Variants in ADCY3 observed in about 807,000 individuals in gnomAD.
ADCY3 encodes adenylate cyclase type 3.
Under a neutral mutation model 119.4 loss-of-function variants are expected in ADCY3, and 70 were observed. The ratio of observed to expected loss-of-function variants is 0.59; its 90% CI spans 0.48 to 0.72. The LOEUF (loss-of-function observed/expected upper bound fraction) is 0.72. Among genes scored for constraint, ADCY3 ranks in the 30% least tolerant of loss-of-function variants. ADCY3 has a pLI of 0.00. For missense variants in ADCY3, 1,238 were observed against 1,541.6 expected (o/e 0.80, Z 3.30); for synonymous variants, 672 against 621.4 (o/e 1.08, Z -1.21).
chr2:24,822,063 A>G lies in ADCY3; in HGVS notation c.3004-423T>C, dbSNP rs1667814598. On this transcript the variant is annotated intron_variant, in intron 19 of 21. Coordinates refer to ENST00000679454, the MANE Select transcript of ADCY3 (RefSeq NM_004036.5). ...CGTGGGATGGTTGTAGAGGTAAAGCAGGATGATGGTGTTTTAAGACCAGAG... is the reference window on the plus strand; with the variant it reads ...CGTGGGATGGTTGTAGAGGTAAAGCGGGATGATGGTGTTTTAAGACCAGAG... 8 of 191,776 alleles carry G rather than the reference A, an allele frequency of 4.2e-5. No individual in the cohort carries two copies. The South Asian group carries it at 1.0e-3, about 24-fold the overall frequency. The allele number at this position is 191,776 out of a possible 1,614,324, so 11.9% of individuals were successfully genotyped here.
At chr2:24,881,550 G>A (rs926432717) in intron 2 of ADCY3, among the ~76,000 whole-genome samples, 2 of 152,176 alleles carry the variant, frequency 1.3e-5, no homozygotes, top group Non-Finnish European at 2.9e-5. Flanking sequence ...CTCCTGATGC[G>A]TCTGTGTGTA....
intron 2 of ADCY3, among the ~76,000 whole-genome samples, chr2:24,880,501 C>T (rs1316456110): frequency 1.3e-5 from 2 of 152,242 alleles, no homozygotes; most frequent in East Asian, 3.8e-4. Flanking sequence ...GCCTCTGCTG[C>T]CTGTGGAGGT....
rs1317264266 is a variant in ADCY3 at position 24,918,714 on chromosome 2, C to T, written c.274G>A (p.Val92Met). Reference sequence around the variant, plus strand: ...AAGACCACAGCACACATGACCACCACGTAGCAGTCAAAGAGGGCTGCAAAG... The same window carrying T: ...AAGACCACAGCACACATGACCACCATGTAGCAGTCAAAGAGGGCTGCAAAG... ...VVFAALFDCYVVVMCAVVFSS... is the reference protein window; with the variant it reads ...VVFAALFDCYMVVMCAVVFSS... The change falls in exon 2 of 22, where the codon GTG becomes ATG. Residue 92 changes from valine (V) to methionine (M), a missense_variant. Coordinates refer to ENST00000679454, the MANE Select transcript of ADCY3 (RefSeq NM_004036.5). This position sits in a 1 kb window ranked among gnomAD's most constrained non-coding sequence, Gnocchi z 5.4. 3.7e-6 allele frequency: 6 copies of T among 1,613,982 alleles called. No homozygotes were observed. Among genetic ancestry groups the T allele is most frequent in the African/African-American group, 2.7e-5 (2 of 74,924 alleles).
chr2:24,829,069 TG>T (rs1473686891), intron 13 of ADCY3, among the ~76,000 whole-genome samples: 2 of 151,920 alleles, frequency 1.3e-5, no homozygotes, highest in Non-Finnish European at 2.9e-5. Flanking sequence ...CAGACTGGCG[TG>T]CAGTGGTGCA....
chr2:24,866,419 T>C (rs901344444), intron 3 of ADCY3, among the ~76,000 whole-genome samples: 6 of 151,840 alleles, frequency 4.0e-5, no homozygotes, highest in Non-Finnish European at 8.8e-5. Context: ...CAAAAAACCA[T>C]TTTTTTAATT....
intron 2 of ADCY3, among the ~76,000 whole-genome samples, chr2:24,897,362 C>A (rs1385563811): frequency 1.3e-5 from 2 of 152,072 alleles, no homozygotes; most frequent in African/African-American, 4.8e-5. Context: ...ATTGCTACCA[C>A]TAACTTCAAG....
chr2:24,874,303 G>A (rs1254390816), intron 2 of ADCY3, among the ~76,000 whole-genome samples: 7 of 152,210 alleles, frequency 4.6e-5, no homozygotes, highest in Non-Finnish European at 1.0e-4. Context: ...GTAATGACCT[G>A]TTGACCTCTT....
Position 24,824,435 on chromosome 2 carries a change from G to A in ADCY3, c.2679C>T (p.Thr893=), listed in dbSNP as rs1305247784. 6.2e-7 allele frequency: 1 copy of A among 1,614,230 alleles called. No homozygotes were observed. Among genetic ancestry groups the A allele is most frequent in the Non-Finnish European group, 8.5e-7 (1 of 1,180,044 alleles). Residue 893 remains threonine (T), a synonymous_variant, in exon 17 of 22, where the codon ACC becomes ACT. Coordinates refer to ENST00000679454, the MANE Select transcript of ADCY3 (RefSeq NM_004036.5). ...GTGCCACGTGCTCAGGCAACATGTTGGTGACCAAGGCCTCGTTCCAGCGTC... is the reference window on the plus strand; with the variant it reads ...GTGCCACGTGCTCAGGCAACATGTTAGTGACCAAGGCCTCGTTCCAGCGTC... ...EMRRWNEALV[T]NMLPEHVARH...
intron 2 of ADCY3, among the ~76,000 whole-genome samples, chr2:24,892,350 G>A (rs1051400324): frequency 6.6e-6 from 1 of 151,342 alleles, no homozygotes; most frequent in Non-Finnish European, 1.5e-5. Flanking sequence ...CTGGGTTCAC[G>A]CCATTCTCCT....
At chr2:24,882,721 A>G (rs933843109) in intron 2 of ADCY3, among the ~76,000 whole-genome samples, 1 of 152,048 alleles carries the variant, frequency 6.6e-6, no homozygotes, top group African/African-American at 2.4e-5. Context: ...GGCCCTGGAG[A>G]TTATAAAATT....
chr2:24,902,766 G>T (rs144992904), intron 2 of ADCY3, among the ~76,000 whole-genome samples: 5 of 152,024 alleles, frequency 3.3e-5, no homozygotes, highest in Non-Finnish European at 5.9e-5. Context: ...GCAGTGGCTC[G>T]TGCCTGTAAT....
At chr2:24,831,022 T>A (rs1005220772) in intron 12 of ADCY3, among the ~76,000 whole-genome samples, 197 bp from the exon 13 acceptor site, 12 of 152,072 alleles carry the variant, frequency 7.9e-5, no homozygotes, top group Admixed American at 7.9e-4. Context: ...GTGTTGGACC[T>A]CCTCGATGTG....
At chr2:24,837,151 CTGAGG>C in intron 8 of ADCY3, 106 bp from the exon 9 acceptor site, 1 of 1,310,856 alleles carries the variant, frequency 7.6e-7, no homozygotes, top group Non-Finnish European at 1.0e-6. Context: ...AGAGAGCAAT[CTGAGG>C]CCACAGAACT....
chr2:24,918,238 A>G lies in ADCY3; in HGVS notation c.675+75T>C. ...ATTTTGACTCAAAGGCAAAGCAAACAGCAACTCCAACAGGTCCCAAGTTGG... is the reference window on the plus strand; with the variant it reads ...ATTTTGACTCAAAGGCAAAGCAAACGGCAACTCCAACAGGTCCCAAGTTGG... On this transcript the variant is annotated intron_variant, in intron 2 of 21. Transcript: ENST00000679454. This position sits in a 1 kb window ranked among gnomAD's most constrained non-coding sequence, Gnocchi z 5.4. 6.8e-7 allele frequency: 1 copy of G among 1,481,280 alleles called. No homozygotes were observed. The highest frequency in any genetic ancestry group is 2.6e-4 in the Middle Eastern group (1 of 3,904). 91.8% of individuals were successfully genotyped at this position (1,481,280 alleles called of 1,614,324 possible). A position where few individuals can be genotyped will look rare whatever the true frequency, so the allele number is the denominator to read the frequency against.
chr2:24,919,012 C>T lies in ADCY3; in HGVS notation c.-25G>A, dbSNP rs767655701. The T allele has an allele frequency of 1.5e-5, 23 of 1,525,484 alleles. No homozygotes were observed. In the South Asian group the frequency reaches 2.2e-4, roughly 15 times the overall value. The allele number at this position is 1,525,484 out of a possible 1,614,324, so 94.5% of individuals were successfully genotyped here. A position where few individuals can be genotyped will look rare whatever the true frequency, so the allele number is the denominator to read the frequency against. ...TACTGGCTGGTGTCTGCTACTGGCCCTAGAGAAGTGGACTGGGAACGGAGG... is the reference window on the plus strand; with the variant it reads ...TACTGGCTGGTGTCTGCTACTGGCCTTAGAGAAGTGGACTGGGAACGGAGG... On this transcript the variant is annotated 5_prime_UTR_variant, in exon 2 of 22. Transcript: ENST00000679454. The surrounding 1 kb of genome is among the most constrained non-coding windows in gnomAD (Gnocchi z 5.5).
intron 7 of ADCY3, among the ~76,000 whole-genome samples, chr2:24,839,601 G>C (rs747014996): frequency 7.2e-5 from 11 of 152,186 alleles, no homozygotes; most frequent in Non-Finnish European, 1.3e-4. Context: ...AGCCCCCTAA[G>C]TCGGTAAAGG....
chr2:24,851,353 C>T (rs1239462340), intron 3 of ADCY3, among the ~76,000 whole-genome samples: 2 of 152,220 alleles, frequency 1.3e-5, no homozygotes, highest in Non-Finnish European at 1.5e-5. Context: ...CTCATGAACC[C>T]AGCACCCACC....
intron 3 of ADCY3, among the ~76,000 whole-genome samples, chr2:24,856,368 A>G (rs192303074): frequency 3.3e-5 from 5 of 152,294 alleles, no homozygotes; most frequent in African/African-American, 9.6e-5. Flanking sequence ...TGTCACTGTA[A>G]CCCATCACAG....
rs1490995493 is a variant in ADCY3, at chr2:24,919,852, G to A, written c.-367C>T. The A allele has an allele frequency of 1.3e-5, 2 of 151,014 alleles. No homozygotes were observed. Among genetic ancestry groups the A allele is most frequent in the Non-Finnish European group, 3.0e-5 (2 of 67,646 alleles). The allele number at this position is 151,014 out of a possible 1,614,324, so 9.4% of individuals were successfully genotyped here. On this transcript the variant is annotated 5_prime_UTR_variant, in exon 1 of 22. Coordinates refer to ENST00000679454, the MANE Select transcript of ADCY3 (RefSeq NM_004036.5). This position sits in a 1 kb window ranked among gnomAD's most constrained non-coding sequence, Gnocchi z 5.5. ...GCCGTCAGGCCCGGGATCCGACCGG[G>A]AGAGGCGCAGGGCTGCCCCTCAGCA...
Sources: allele counts gnomAD v4.1 joint callset (sites outside exome capture counted in the v4.1 genomes callset), GRCh38; gene constraint gnomAD v4.1.1; non-coding constraint Gnocchi (gnomAD v3.1); transcripts MANE v1.5; gene names NCBI Gene and HGNC (gene_info 2026-07-23, HGNC 2026-07-21).